CHSY3: variants seen among roughly 807,000 people sequenced by gnomAD.
The protein encoded by CHSY3 is N-acetylgalactosaminyl-proteoglycan 3-beta-glucuronosyltransferase 3.
In CHSY3, 35 loss-of-function variants were observed where a neutral mutation model predicts 67.2. The ratio of observed to expected loss-of-function variants is 0.52; its 90% CI spans 0.40 to 0.69. CHSY3 has a LOEUF of 0.69. Among genes scored for constraint, CHSY3 ranks in the 30% least tolerant of loss-of-function variants. CHSY3 has a pLI of 0.00. For synonymous variants in CHSY3, 474 were observed against 434.7 expected, an observed-to-expected ratio of 1.09 and a Z score of -1.12; for missense variants, 1,069 against 1,138.5, an observed-to-expected ratio of 0.94 and a Z score of 0.88.
In CHSY3 at chr5:130,118,072, AT is replaced by A. The variant is rs1561544355; in HGVS notation, c.1087-66156del. 8.5e-5 allele frequency among the ~76,000 whole-genome samples: 13 copies of A among 152,228 alleles called. No homozygotes were observed. In the South Asian group the frequency reaches 2.7e-3, roughly 32 times the overall value. On this transcript the variant is annotated intron_variant, in intron 2 of 2. Coordinates refer to ENST00000305031, the MANE Select transcript of CHSY3 (RefSeq NM_175856.5). ...TCTTGCTCCCTGTTTTTCAGGTGAC[AT>A]GCCTGCTCCCTCTTCACTTTCCGCA... is the stretch of plus-strand genomic sequence containing the variant.
chr5:130,046,067 T>C (rs957139522), intron 2 of CHSY3, among the ~76,000 whole-genome samples: 6 of 152,072 alleles, frequency 3.9e-5, no homozygotes, highest in Non-Finnish European at 5.9e-5. Flanking sequence ...ACGACTATTA[T>C]AACTCATGTC....
chr5:130,140,253 T>C (rs1332956530), intron 2 of CHSY3: 2 of 317,590 alleles, frequency 6.3e-6, no homozygotes, highest in African/African-American at 2.2e-5. Context: ...AATATCTGAC[T>C]GGATGGAGAT....
intron 2 of CHSY3, among the ~76,000 whole-genome samples, chr5:129,941,793 C>A (rs1015239390): frequency 1.3e-5 from 2 of 152,114 alleles, no homozygotes; most frequent in Non-Finnish European, 2.9e-5. Flanking sequence ...GAAGCTCAAT[C>A]CCCAAGATTA....
intron 2 of CHSY3, among the ~76,000 whole-genome samples, chr5:130,152,572 G>C (rs1239011987): frequency 6.6e-6 from 1 of 152,078 alleles, no homozygotes; most frequent in Non-Finnish European, 1.5e-5. Flanking sequence ...CTTCTAATCA[G>C]TGTTCTCTTG....
At chr5:129,963,561 T>G (rs1247145629) in intron 2 of CHSY3, among the ~76,000 whole-genome samples, 2 of 152,046 alleles carry the variant, frequency 1.3e-5, no homozygotes, top group Non-Finnish European at 2.9e-5. Context: ...GAGTCAGTTT[T>G]CAGCTGCTTT....
chr5:130,111,560 G>C lies in CHSY3; in HGVS notation c.1087-72669G>C, dbSNP rs548200518. ...TCCCAAATATGACCACCATGTTCTA[G>C]AAACATACTGCTTATTTATAGGTTA... On this transcript the variant is annotated intron_variant, in intron 2 of 2. Transcript: ENST00000305031. Among the ~76,000 whole-genome samples, 30 of 152,138 alleles carry C rather than the reference G, an allele frequency of 2.0e-4. No homozygotes were observed. In the South Asian group the frequency reaches 6.0e-3, roughly 30 times the overall value.
chr5:129,990,448 T>C (rs1763329724), intron 2 of CHSY3, among the ~76,000 whole-genome samples: 1 of 151,556 alleles, frequency 6.6e-6, no homozygotes, highest in Non-Finnish European at 1.5e-5. Flanking sequence ...CAATCATCCA[T>C]ACTGTAATTG....
chr5:129,995,736 T>A (rs962151498), intron 2 of CHSY3, among the ~76,000 whole-genome samples: 1 of 152,068 alleles, frequency 6.6e-6, no homozygotes, highest in Non-Finnish European at 1.5e-5. Flanking sequence ...CTCTGTTTTT[T>A]AAGAATGATC....
chr5:130,088,105 C>G (rs966462887), intron 2 of CHSY3, among the ~76,000 whole-genome samples: 1 of 152,060 alleles, frequency 6.6e-6, no homozygotes, highest in Admixed American at 6.6e-5. Flanking sequence ...CTGAGAAAAA[C>G]AAGCAATGGG....
intron 2 of CHSY3, among the ~76,000 whole-genome samples, chr5:130,083,480 A>G (rs566224769): frequency 1.3e-5 from 2 of 152,148 alleles, no homozygotes; most frequent in Admixed American, 1.3e-4. Flanking sequence ...CCATAAGGCT[A>G]ATGATTCCAT....
chr5:129,932,140 A>ATGTATGTATG (rs1554070945), intron 2 of CHSY3, among the ~76,000 whole-genome samples: 12 of 136,370 alleles, frequency 8.8e-5, no homozygotes, highest in African/African-American at 2.9e-4. Flanking sequence ...ATATATATAT[A>ATGTATGTATG]TATGTATATG....
intron 2 of CHSY3, among the ~76,000 whole-genome samples, chr5:129,991,480 T>A (rs1017156742): frequency 6.6e-6 from 1 of 152,262 alleles, no homozygotes; most frequent in African/African-American, 2.4e-5. Flanking sequence ...GTTCTTTTTA[T>A]AAAGCAGTGA....
Position 129,904,761 on chromosome 5 carries a change from G to A in CHSY3, c.-69G>A, listed in dbSNP as rs1257820458. 7.8e-7 allele frequency: 1 copy of A among 1,283,872 alleles called. No individual in the cohort carries two copies. Among genetic ancestry groups the A allele is most frequent in the Non-Finnish European group, 9.8e-7 (1 of 1,017,386 alleles). 79.5% of individuals were successfully genotyped at this position (1,283,872 alleles called of 1,614,324 possible). ...GGGCGCAAAGGCGGAGGAGGGGCGG[G>A]TGTGAGCCGGGGAAACCGCGTGCCG... On this transcript the variant is annotated 5_prime_UTR_variant, in exon 1 of 3. In the 5' UTR this introduces an upstream ATG that the reference lacks. Transcript: ENST00000305031.
At chr5:130,147,777 C>T (rs549618276) in intron 2 of CHSY3, among the ~76,000 whole-genome samples, 72 of 152,068 alleles carry the variant, frequency 4.7e-4, no homozygotes, top group African/African-American at 8.4e-4. Context: ...GGAATGAGAG[C>T]GAGTAGGGGT....
intron 2 of CHSY3, among the ~76,000 whole-genome samples, chr5:129,920,019 A>T (rs2149582277): frequency 6.6e-6 from 1 of 152,292 alleles, no homozygotes; most frequent in Non-Finnish European, 1.5e-5. Context: ...AACCATGTTT[A>T]CCATGCTGTG....
At chr5:130,038,644 T>C (rs1764924547) in intron 2 of CHSY3, among the ~76,000 whole-genome samples, 1 of 152,140 alleles carries the variant, frequency 6.6e-6, no homozygotes, top group African/African-American at 2.4e-5. Flanking sequence ...CTCTCCATAG[T>C]GTATTGTTTG....
At chr5:130,106,555 G>T (rs1767419594) in intron 2 of CHSY3, among the ~76,000 whole-genome samples, 1 of 151,636 alleles carries the variant, frequency 6.6e-6, no homozygotes, top group African/African-American at 2.4e-5. Context: ...ATATGTTTCA[G>T]GTGGTGACAA....
chr5:130,058,678 C>T (rs906182284), intron 2 of CHSY3, among the ~76,000 whole-genome samples: 1 of 152,158 alleles, frequency 6.6e-6, no homozygotes, highest in Non-Finnish European at 1.5e-5. Flanking sequence ...GTATAAGGAA[C>T]ATATTAATTT....
intron 2 of CHSY3, among the ~76,000 whole-genome samples, chr5:130,043,880 G>T (rs1013684004): frequency 6.6e-6 from 1 of 152,074 alleles, no homozygotes; most frequent in Non-Finnish European, 1.5e-5. Context: ...TTCCAGATCA[G>T]ATTTTTTTTA....
Sources: gnomAD v4.1 joint callset for allele counts (sites outside exome capture counted in the v4.1 genomes callset) on GRCh38, gnomAD v4.1.1 for gene constraint, MANE v1.5 for transcripts, NCBI Gene and HGNC (gene_info 2026-07-23, HGNC 2026-07-21) for gene names.